The following GPC3 variants were observed in gnomAD, a reference collection of about 807,000 sequenced individuals.
GPC3 encodes the protein glypican-3.
In GPC3, 3 loss-of-function variants were observed where a neutral mutation model predicts 34.4. The ratio of observed to expected loss-of-function variants is 0.09; its 90% CI spans 0.04 to 0.23. The LOEUF is 0.23. Ranked by LOEUF, GPC3 falls within the 10% of genes least tolerant of loss-of-function variation. GPC3 has a pLI of 1.00. For missense variants in GPC3, 351 were observed against 445.6 expected (o/e 0.79, Z 1.91); for synonymous variants, 177 against 174.0 (o/e 1.02, Z -0.13).
At chrX:133,723,251 C>T (rs747075788) in intron 3 of GPC3, among the ~76,000 whole-genome samples, 2 of 111,399 alleles carry the variant, frequency 1.8e-5, no homozygotes, top group Non-Finnish European at 3.8e-5. Context: ...CTGGCAGAGA[C>T]TGTGTGACTA....
At chrX:133,586,818 CT>C (rs1333327457) in intron 7 of GPC3, among the ~76,000 whole-genome samples, 1 of 111,363 alleles carries the variant, frequency 9.0e-6, no homozygotes, top group Non-Finnish European at 1.9e-5. Context: ...GAGATTCCTT[CT>C]TTTTTTATTT....
chrX:133,960,608 G>A (rs1602563808), intron 1 of GPC3, among the ~76,000 whole-genome samples: 1 of 111,138 alleles, frequency 9.0e-6, no homozygotes, highest in East Asian at 2.8e-4. Context: ...TCAGGGCTCA[G>A]TAACAATGAA....
At chrX:133,657,119 G>A (rs2070671093) in intron 6 of GPC3, among the ~76,000 whole-genome samples, 1 of 112,178 alleles carries the variant, frequency 8.9e-6, no homozygotes, top group South Asian at 3.7e-4. Context: ...GGCTTCAACT[G>A]TTTACAACGG....
chrX:133,775,610 C>T (rs940147980), intron 2 of GPC3, among the ~76,000 whole-genome samples: 2 of 111,240 alleles, frequency 1.8e-5, no homozygotes, highest in Admixed American at 1.9e-4. Flanking sequence ...GGTATCGTGC[C>T]GGGGTCAGTA....
chrX:133,577,226 G>A (rs770616730), intron 7 of GPC3, among the ~76,000 whole-genome samples: 101 of 112,342 alleles, frequency 9.0e-4, no homozygotes, highest in African/African-American at 3.1e-3. Context: ...AAGCTAAGAT[G>A]AAAATGGCAA....
chrX:133,814,170 G>A (rs749594659), intron 2 of GPC3, among the ~76,000 whole-genome samples: 26 of 111,277 alleles, frequency 2.3e-4, no homozygotes, highest in South Asian at 1.2e-3. Context: ...GGCATGGTGA[G>A]TTACCCCATG....
intron 2 of GPC3, among the ~76,000 whole-genome samples, chrX:133,924,398 G>C (rs777860166): frequency 2.7e-5 from 3 of 110,917 alleles, no homozygotes; most frequent in African/African-American, 9.9e-5. Context: ...AACTAGAAGC[G>C]AGTGCAGCCC....
chrX:133,962,497 C>T (rs1466084532), intron 1 of GPC3, among the ~76,000 whole-genome samples: 3 of 111,440 alleles, frequency 2.7e-5, no homozygotes, highest in Non-Finnish European at 3.8e-5. Flanking sequence ...TTTAGAAAAG[C>T]GAAAGTATTC....
At chrX:133,698,513 T>C (rs1015067474) in intron 4 of GPC3, among the ~76,000 whole-genome samples, 1 of 112,001 alleles carries the variant, frequency 8.9e-6, no homozygotes, top group African/African-American at 3.2e-5. Context: ...ATTCATTGTG[T>C]GTTGTTATTT....
In GPC3 at chrX:133,889,138, G is replaced by A. The variant is rs774423933; in HGVS notation, c.337+63912C>T. ...AATGCTTAATGAGGTCCTTTTCTCC[G>A]GACTCAAGACCTTTATGTTACTGTC... On this transcript the variant is annotated intron_variant, in intron 2 of 7. Coordinates refer to ENST00000370818, the MANE Select transcript of GPC3 (RefSeq NM_004484.4). 5.4e-5 allele frequency among the ~76,000 whole-genome samples: 6 copies of A among 112,043 alleles called. No individual in the cohort carries two copies. In the East Asian group the frequency reaches 8.4e-4, roughly 16 times the overall value.
intron 2 of GPC3, among the ~76,000 whole-genome samples, chrX:133,849,535 TTTTA>T (rs1254526732): frequency 2.7e-5 from 3 of 111,589 alleles, no homozygotes; most frequent in Non-Finnish European, 5.6e-5. Flanking sequence ...ATCAGCCTCC[TTTTA>T]TTTATTTATT....
chrX:133,896,373 A>AG (rs961607562), intron 2 of GPC3, among the ~76,000 whole-genome samples: 3 of 109,940 alleles, frequency 2.7e-5, no homozygotes, highest in Middle Eastern at 4.7e-3. Context: ...AAAAAAAAAA[A>AG]AAAAGAAAGA....
chrX:133,722,219 C>A (rs1290004538), intron 3 of GPC3, among the ~76,000 whole-genome samples: 1 of 111,334 alleles, frequency 9.0e-6, no homozygotes. Context: ...CCTGTCTGTT[C>A]CTATTTATCA....
At chrX:133,731,354 A>T (rs1451918837) in intron 3 of GPC3, among the ~76,000 whole-genome samples, 2 of 112,812 alleles carry the variant, frequency 1.8e-5, no homozygotes, top group African/African-American at 6.4e-5. Flanking sequence ...AGACTTAAGC[A>T]TTTCACTTTC....
intron 6 of GPC3, among the ~76,000 whole-genome samples, chrX:133,654,715 A>G (rs2070637968): frequency 9.4e-6 from 1 of 106,127 alleles, no homozygotes; most frequent in African/African-American, 3.7e-5. Context: ...CCGTCTCAAA[A>G]AACAAAAAAC....
At chrX:133,543,150 G>A (rs750116077) in intron 7 of GPC3, among the ~76,000 whole-genome samples, 5 of 110,031 alleles carry the variant, frequency 4.5e-5, no homozygotes, top group South Asian at 4.0e-4. Flanking sequence ...AGACAGTCTC[G>A]CCGTGTCACC....
chrX:133,689,602 T>C (rs1286911608), intron 5 of GPC3, among the ~76,000 whole-genome samples: 2 of 112,010 alleles, frequency 1.8e-5, no homozygotes, highest in African/African-American at 3.2e-5. Flanking sequence ...CCATAAACAA[T>C]AGAAGATAAA....
chrX:133,893,876 G>T (rs1039941742), intron 2 of GPC3, among the ~76,000 whole-genome samples: 1 of 111,628 alleles, frequency 9.0e-6, no homozygotes, highest in Non-Finnish European at 1.9e-5. Flanking sequence ...TTTTGAGACA[G>T]GATCTCACTC....
intron 6 of GPC3, among the ~76,000 whole-genome samples, chrX:133,643,410 C>T (rs1430821034): frequency 3.6e-5 from 4 of 111,480 alleles, no homozygotes; most frequent in Admixed American, 1.9e-4. Context: ...TTTGGTCCAG[C>T]GTGGTTTCAG....
Sources: gnomAD v4.1 joint callset for allele counts (sites outside exome capture counted in the v4.1 genomes callset) on GRCh38, gnomAD v4.1.1 for gene constraint, MANE v1.5 for transcripts, NCBI Gene and HGNC (gene_info 2026-07-23, HGNC 2026-07-21) for gene names.